The following RELL1 variants were observed in gnomAD, a reference collection of about 807,000 sequenced individuals.
RELL1 encodes RELT like 1, also known as RELT-like protein 1.
RELL1 carries 10 observed loss-of-function variants against 23.0 expected under a neutral mutation model. The observed-to-expected ratio is 0.43, with a 90% CI of 0.27 to 0.74. The LOEUF is 0.74. RELL1 is among the 30% of genes least tolerant of loss of function. The pLI is 0.19. For synonymous variants in RELL1, 146 were observed against 146.8 expected (o/e 0.99, Z 0.04); for missense variants, 315 against 364.4 (o/e 0.86, Z 1.10).
intron 6 of RELL1, among the ~76,000 whole-genome samples, chr4:37,604,761 C>CCACACA (rs200811075): frequency 4.0e-5 from 2 of 50,226 alleles, no homozygotes; most frequent in Non-Finnish European, 9.5e-5. Flanking sequence ...AAAACAAGAA[C>CCACACA]CACACACACA....
chr4:37,634,273 G>A (rs974851049), intron 5 of RELL1, among the ~76,000 whole-genome samples: 1 of 152,218 alleles, frequency 6.6e-6, no homozygotes, highest in Admixed American at 6.5e-5. Flanking sequence ...AATTCACATG[G>A]AACTTAACAG....
Position 37,611,743 on chromosome 4 carries a change from G to A in RELL1, c.*1603C>T, listed in dbSNP as rs1039275676. On this transcript the variant is annotated 3_prime_UTR_variant, in exon 7 of 7. Coordinates refer to ENST00000454158, the MANE Select transcript of RELL1 (RefSeq NM_001085400.2). Reference sequence around the variant, plus strand: ...AATGTACAGTTATAAAAAAAAAAAAGAAAAAGAAAAGTTTGCCAGGCCTAA... The same window carrying A: ...AATGTACAGTTATAAAAAAAAAAAAAAAAAAGAAAAGTTTGCCAGGCCTAA... 6.6e-6 allele frequency among the ~76,000 whole-genome samples: 1 copy of A among 151,070 alleles called. No homozygotes were observed. Among genetic ancestry groups the A allele is most frequent in the African/African-American group, 2.4e-5 (1 of 41,102 alleles).
chr4:37,671,869 CTT>C (rs1721846565), intron 1 of RELL1, among the ~76,000 whole-genome samples: 1 of 152,130 alleles, frequency 6.6e-6, no homozygotes, highest in Non-Finnish European at 1.5e-5. Flanking sequence ...GATCGGGACT[CTT>C]TTGGGCAACA....
chr4:37,636,016 G>A (rs1165265050), intron 4 of RELL1, among the ~76,000 whole-genome samples: 6 of 152,194 alleles, frequency 3.9e-5, no homozygotes, highest in Non-Finnish European at 7.3e-5. Flanking sequence ...AGTATTCTAA[G>A]CATCTTATAT....
downstream of RELL1, among the ~76,000 whole-genome samples, chr4:37,587,269 T>C (rs907169651): frequency 3.3e-5 from 5 of 152,188 alleles, no homozygotes; most frequent in African/African-American, 1.2e-4. Flanking sequence ...TTGTACCATC[T>C]GAAAATCCTA....
At chr4:37,624,793 T>C (rs1178215502) in intron 6 of RELL1, among the ~76,000 whole-genome samples, 4 of 152,178 alleles carry the variant, frequency 2.6e-5, no homozygotes, top group South Asian at 2.1e-4. Flanking sequence ...CCTAAGGGAC[T>C]TGACAAATAC....
intron 6 of RELL1, among the ~76,000 whole-genome samples, chr4:37,599,109 T>C (rs759829288): frequency 8.5e-5 from 13 of 152,212 alleles, no homozygotes; most frequent in African/African-American, 1.2e-4. Flanking sequence ...TAAAATTGTA[T>C]GTATTGTCAA....
rs560962786 is a variant in RELL1 at position 37,668,341 on chromosome 4, G to C, written c.88+17859C>G. 2.0e-4 allele frequency among the ~76,000 whole-genome samples: 30 copies of C among 152,126 alleles called. 2 individuals are homozygous for C. In the South Asian group the frequency reaches 6.0e-3, roughly 31 times the overall value. On this transcript the variant is annotated intron_variant, in intron 1 of 6. Transcript: ENST00000454158. ...CCTGATTCTCCTGCCTCAGCCTGCC[G>C]AGTGCCTGCGATTGTAGGCCCGCGC... is the stretch of plus-strand genomic sequence containing the variant.
exon 7 of RELL1, chr4:37,591,088 C>A: frequency 9.4e-7 from 1 of 1,065,986 alleles, no homozygotes; most frequent in Non-Finnish European, 1.4e-6. Flanking sequence ...GGTGATTCTG[C>A]CAGCATGCAC....
chr4:37,686,140 C>T lies in RELL1; in HGVS notation c.88+60G>A, dbSNP rs996570434. 549 of 1,444,594 alleles carry T rather than the reference C, an allele frequency of 3.8e-4. 1 individual carries two copies. Among genetic ancestry groups the T allele is most frequent in the Non-Finnish European group, 4.9e-4 (524 of 1,069,144 alleles). The allele number at this position is 1,444,594 out of a possible 1,614,324, so 89.5% of individuals were successfully genotyped here. ...GGCTGCCGTCCCGACCCCTCGCTTC[C>T]TTCCGCGCTCCCGGGACCGGGCTCA... On this transcript the variant is annotated intron_variant, in intron 1 of 6. Coordinates refer to ENST00000454158, the MANE Select transcript of RELL1 (RefSeq NM_001085400.2).
chr4:37,683,710 A>G (rs1240183462), intron 1 of RELL1, among the ~76,000 whole-genome samples: 1 of 150,332 alleles, frequency 6.7e-6, no homozygotes, highest in Admixed American at 6.6e-5. Flanking sequence ...GTGAGCTGAG[A>G]TCGCACCACT....
downstream of RELL1, among the ~76,000 whole-genome samples, chr4:37,605,785 GAAAGAA>G (rs1484986114): frequency 0.011 from 863 of 79,822 alleles, 10 homozygotes; most frequent in African/African-American, 0.03. Flanking sequence ...GAGAGAGAGA[GAAAGAA>G]AGAGAAAGAA....
At chr4:37,622,150 C>CA (rs1028861312) in intron 6 of RELL1, among the ~76,000 whole-genome samples, 1 of 152,168 alleles carries the variant, frequency 6.6e-6, no homozygotes, top group African/African-American at 2.4e-5. Context: ...GTGAGTAAGA[C>CA]AAAATCTCAA....
chr4:37,625,985 G>T (rs1323187587), intron 6 of RELL1, among the ~76,000 whole-genome samples: 1 of 151,164 alleles, frequency 6.6e-6, no homozygotes, highest in Non-Finnish European at 1.5e-5. Context: ...ACAAATATAT[G>T]AAAAAAAGGC....
chr4:37,595,540 T>C (rs1392833216), intron 6 of RELL1, among the ~76,000 whole-genome samples: 2 of 133,298 alleles, frequency 1.5e-5, no homozygotes, highest in Admixed American at 7.5e-5. Flanking sequence ...TGGGGAGATA[T>C]CATGCAGGTA....
chr4:37,631,650 AAAC>A (rs1161237913), intron 5 of RELL1, 127 bp from the exon 6 acceptor site: 2 of 1,032,168 alleles, frequency 1.9e-6, no homozygotes, highest in Non-Finnish European at 2.8e-6. Flanking sequence ...CACAAATGAA[AAAC>A]AACATATTCG....
At position 37,611,730 on chromosome 4, in the gene RELL1, TAAAAA is replaced by T. The variant is rs546021972; in HGVS notation, c.*1611_*1615del. On this transcript the variant is annotated 3_prime_UTR_variant, in exon 7 of 7. Coordinates refer to ENST00000454158, the MANE Select transcript of RELL1 (RefSeq NM_001085400.2). ...AGGTGTTTTGTAAAATGTACAGTTA[TAAAAA>T]AAAAAAAGAAAAAGAAAAGTTTGCC... Among the ~76,000 whole-genome samples, 21 of 130,750 alleles carry T rather than the reference TAAAAA, an allele frequency of 1.6e-4. No individual in the cohort carries two copies. The South Asian group carries it at 5.1e-3, about 31-fold the overall frequency. 85.8% of individuals were successfully genotyped at this position (130,750 alleles called of 152,430 possible). A position where few individuals can be genotyped will look rare whatever the true frequency, so the allele number is the denominator to read the frequency against.
At chr4:37,634,053 G>A (rs1386203374) in intron 5 of RELL1, among the ~76,000 whole-genome samples, 4 of 152,150 alleles carry the variant, frequency 2.6e-5, no homozygotes, top group Non-Finnish European at 5.9e-5. Context: ...ATGCAACATC[G>A]GCAATGCAGT....
At chr4:37,622,595 G>A (rs1209257629) in intron 6 of RELL1, among the ~76,000 whole-genome samples, 1 of 152,112 alleles carries the variant, frequency 6.6e-6, no homozygotes, top group Non-Finnish European at 1.5e-5. Flanking sequence ...TCCTGGCTCC[G>A]TAATGAACTC....
Sources: allele counts gnomAD v4.1 joint callset (sites outside exome capture counted in the v4.1 genomes callset), GRCh38; gene constraint gnomAD v4.1.1; transcripts MANE v1.5; gene names NCBI Gene and HGNC (gene_info 2026-07-23, HGNC 2026-07-21).